DNAH9: variants seen among roughly 807,000 people sequenced by gnomAD.
DNAH9 encodes the protein dynein axonemal heavy chain 9, also known as DNAH9 variant protein.
DNAH9 carries 345 observed loss-of-function variants against 471.6 expected under a neutral mutation model. The observed-to-expected ratio is 0.73, with a 90% CI of 0.67 to 0.80. The LOEUF is 0.80. Among genes scored for constraint, DNAH9 ranks in the 30% least tolerant of loss-of-function variants. DNAH9 has a pLI of 0.00. For missense variants in DNAH9, 5,407 were observed against 5,609.2 expected (o/e 0.96, Z 1.15); for synonymous variants, 2,093 against 2,123.6 (o/e 0.99, Z 0.40).
intron 49 of DNAH9, among the ~76,000 whole-genome samples, chr17:11,851,499 G>A (rs1035909140): frequency 5.9e-5 from 9 of 152,156 alleles, no homozygotes; most frequent in African/African-American, 2.2e-4. Flanking sequence ...ACCTGAGGTG[G>A]CAATGAGCTT....
intron 23 of DNAH9, among the ~76,000 whole-genome samples, 195 bp downstream of exon 23, chr17:11,700,078 A>G (rs1192789996): frequency 1.3e-5 from 2 of 152,202 alleles, no homozygotes; most frequent in African/African-American, 4.8e-5. Context: ...TCTTTCAGGG[A>G]AGGACACATG....
chr17:11,669,874 T>C (rs2073946824), intron 17 of DNAH9, 80 bp downstream of exon 17: 1 of 1,217,296 alleles, frequency 8.2e-7, no homozygotes. Context: ...TTATATTTTT[T>C]CCCCATGGGT....
chr17:11,627,884 T>A (rs891175822), intron 6 of DNAH9, among the ~76,000 whole-genome samples: 17 of 152,164 alleles, frequency 1.1e-4, no homozygotes, highest in African/African-American at 4.1e-4. Flanking sequence ...CCTCTGTCAC[T>A]GCTGCTGGAG....
chr17:11,784,057 C>T (rs1345894161), intron 40 of DNAH9, among the ~76,000 whole-genome samples: 8 of 152,092 alleles, frequency 5.3e-5, no homozygotes, highest in African/African-American at 1.9e-4. Flanking sequence ...GACTCAGATT[C>T]TCTGAGTCCA....
At chr17:11,865,532 C>T (rs916371739) in intron 50 of DNAH9, among the ~76,000 whole-genome samples, 69 of 152,086 alleles carry the variant, frequency 4.5e-4, no homozygotes, top group African/African-American at 1.6e-3. Flanking sequence ...ATCTTTGTGG[C>T]GTTCTCTGTA....
At chr17:11,790,296 GTTTATT>G (rs1326124319) in intron 41 of DNAH9, among the ~76,000 whole-genome samples, 1 of 151,856 alleles carries the variant, frequency 6.6e-6, no homozygotes, top group Non-Finnish European at 1.5e-5. Context: ...TGGTGGGTAC[GTTTATT>G]TTTGCTTTTA....
At chr17:11,757,086 A>T (rs1967426652) in intron 34 of DNAH9, among the ~76,000 whole-genome samples, 2 of 152,210 alleles carry the variant, frequency 1.3e-5, no homozygotes, top group Admixed American at 1.3e-4. Flanking sequence ...AGGGAGTAGA[A>T]TGTCAGTTGC....
At chr17:11,772,196 A>T (rs143477042) in intron 38 of DNAH9, among the ~76,000 whole-genome samples, 1 of 150,396 alleles carries the variant, frequency 6.6e-6, no homozygotes, top group African/African-American at 2.5e-5. Context: ...TTCTATTTAA[A>T]TGATTTTCTA....
intron 33 of DNAH9, 60 bp downstream of exon 33, chr17:11,753,020 G>A: frequency 1.4e-6 from 2 of 1,404,598 alleles, no homozygotes; most frequent in Non-Finnish European, 1.9e-6. Flanking sequence ...CAGTCACCCA[G>A]TGTGGCAGGC....
intron 46 of DNAH9, 51 bp from the exon 47 acceptor site, chr17:11,822,387 G>A (rs1378769660): frequency 1.2e-6 from 2 of 1,604,948 alleles, no homozygotes; most frequent in Admixed American, 3.3e-5. Context: ...GCCTCTCCGT[G>A]AGTATTTCTC....
intron 44 of DNAH9, among the ~76,000 whole-genome samples, chr17:11,809,793 T>C (rs1969824285): frequency 6.6e-6 from 1 of 151,988 alleles, no homozygotes; most frequent in Non-Finnish European, 1.5e-5. Flanking sequence ...AAGTCTTCCA[T>C]ATAAGTATGT....
intron 49 of DNAH9, among the ~76,000 whole-genome samples, chr17:11,838,604 C>T (rs1970925269): frequency 6.6e-6 from 1 of 152,096 alleles, no homozygotes; most frequent in African/African-American, 2.4e-5. Flanking sequence ...TATATCTGAG[C>T]TGTGGGTACA....
At chr17:11,662,502 T>C (rs923302978) in intron 14 of DNAH9, among the ~76,000 whole-genome samples, 1 of 152,144 alleles carries the variant, frequency 6.6e-6, no homozygotes, top group Non-Finnish European at 1.5e-5. Flanking sequence ...ATGACAATTA[T>C]GAAATCAGAG....
At chr17:11,858,354 C>T (rs888506372) in intron 50 of DNAH9, among the ~76,000 whole-genome samples, 1 of 152,070 alleles carries the variant, frequency 6.6e-6, no homozygotes, top group Non-Finnish European at 1.5e-5. Context: ...TTCCAGTTGG[C>T]CCACGCAGTC....
chr17:11,891,789 G>T lies in DNAH9; in HGVS notation c.11125G>T (p.Val3709Phe). The T allele has an allele frequency of 6.2e-7, 1 of 1,614,052 alleles. No individual in the cohort carries two copies. Among genetic ancestry groups the T allele is most frequent in the Non-Finnish European group, 8.5e-7 (1 of 1,179,994 alleles). ...CTTCTGTCCCCAGGCCTTCAGTATC[G>T]TCTTCCAGAAGGCTGTGGAGAGGGC... is the stretch of plus-strand genomic sequence containing the variant. ...YQFSLKAFSI[V>F]FQKAVERAAP... Residue 3709 changes from valine (V) to phenylalanine (F), a missense_variant, in exon 58 of 69, where the codon GTC becomes TTC. Transcript: ENST00000262442.
intron 22 of DNAH9, among the ~76,000 whole-genome samples, chr17:11,698,272 ATATAT>A (rs1326810153): frequency 8.9e-5 from 12 of 134,110 alleles, no homozygotes; most frequent in South Asian, 4.4e-4. Flanking sequence ...TAATTATATA[ATATAT>A]TATATATTAA....
intron 17 of DNAH9, among the ~76,000 whole-genome samples, chr17:11,677,557 G>A (rs1357642384): frequency 6.6e-6 from 1 of 152,080 alleles, no homozygotes; most frequent in Non-Finnish European, 1.5e-5. Flanking sequence ...TTTTTATAAT[G>A]AGCATAGAAC....
At position 11,851,315 on chromosome 17, in the gene DNAH9, AC is replaced by A. The variant is rs536680150; in HGVS notation, c.9508-2686del. On this transcript the variant is annotated intron_variant, in intron 49 of 68. Transcript: ENST00000262442. ...TATTTTTAGTACAGATGGGGTTTTC[AC>A]CATGTTGGCCAGGCTGGTCTCGAAC... Among the ~76,000 whole-genome samples, 470 of 151,994 alleles carry A rather than the reference AC, an allele frequency of 3.1e-3. 3 individuals carry two copies. Among genetic ancestry groups the A allele is most frequent in the African/African-American group, 0.011 (437 of 41,452 alleles).
Position 11,880,294 on chromosome 17 carries a change from C to T in DNAH9, c.10601+94C>T, listed in dbSNP as rs1333622509. ...AGGTCTGCTCTTCCTAGAATTTCCT[C>T]TCTTCAGTTCATGTCAAGTAGCTCC... On this transcript the variant is annotated intron_variant, in intron 54 of 68. Coordinates refer to ENST00000262442, the MANE Select transcript of DNAH9 (RefSeq NM_001372.4). The T allele has an allele frequency of 3.3e-6, 5 of 1,506,798 alleles. No homozygotes were observed. The African/African-American group carries it at 5.5e-5, about 17-fold the overall frequency. The allele number at this position is 1,506,798 out of a possible 1,614,324, so 93.3% of individuals were successfully genotyped here.
Sources: allele counts gnomAD v4.1 joint callset (sites outside exome capture counted in the v4.1 genomes callset), GRCh38; gene constraint gnomAD v4.1.1; transcripts MANE v1.5; gene names NCBI Gene and HGNC (gene_info 2026-07-23, HGNC 2026-07-21).